ALDH1L2: variants seen among roughly 807,000 people sequenced by gnomAD.
ALDH1L2 encodes the protein aldehyde dehydrogenase 1 family member L2.
ALDH1L2 carries 91 observed loss-of-function variants against 111.0 expected under a neutral mutation model. That is an observed-to-expected ratio of 0.82 (90% confidence interval 0.69 to 0.98). ALDH1L2 has a LOEUF of 0.98. ALDH1L2 is among the 50% of genes least tolerant of loss of function. The probability of loss-of-function intolerance (pLI) is 0.00; values close to 1 mark genes in which losing one functional copy is unlikely to be tolerated. For missense variants in ALDH1L2, 995 were observed against 1,126.8 expected, an observed-to-expected ratio of 0.88 and a Z score of 1.67; for synonymous variants, 374 against 392.6, an observed-to-expected ratio of 0.95 and a Z score of 0.56.
chr12:105,040,632 C>T lies in ALDH1L2; in HGVS notation c.1926G>A (p.Gly642=). 1 of 1,614,068 alleles carries T rather than the reference C, an allele frequency of 6.2e-7. No homozygotes were observed. The highest frequency in any genetic ancestry group is 1.1e-5 in the South Asian group (1 of 91,082). The change falls in exon 16 of 23, where the codon GGG becomes GGA. Residue 642 remains glycine, a synonymous_variant. Transcript: ENST00000258494. ...CTGAGCCTGGAATGATGTTGATGACCCCCTTTGGAAAGCCTGCTTTCACAG... is the reference window on the plus strand; with the variant it reads ...CTGAGCCTGGAATGATGTTGATGACTCCCTTTGGAAAGCCTGCTTTCACAG... ...ELSVKAGFPK[G]VINIIPGSGG... is the part of the protein sequence containing the mutation.
Position 105,024,176 on chromosome 12 carries a change from G to A in ALDH1L2, c.*248C>T. The A allele has an allele frequency of 1.8e-6, 1 of 560,250 alleles. No homozygotes were observed. The highest frequency in any genetic ancestry group is 2.3e-5 in the South Asian group (1 of 44,010). The allele number at this position is 560,250 out of a possible 1,614,324, so 34.7% of individuals were successfully genotyped here. ...GTCTAGGTAGGGGAGAAACAGCTTG[G>A]TATTTTAGAAATACGTATGATATAC... On this transcript the variant is annotated 3_prime_UTR_variant, in exon 23 of 23. Transcript: ENST00000258494.
chr12:105,070,252 G>A (rs1459644069), intron 3 of ALDH1L2, among the ~76,000 whole-genome samples: 2 of 152,154 alleles, frequency 1.3e-5, no homozygotes, highest in African/African-American at 4.8e-5. Context: ...ATGCTGTCCT[G>A]GTTCACGCTG....
At chr12:105,060,415 AG>A (rs923179375) in intron 9 of ALDH1L2, 2 of 152,222 alleles carry the variant, frequency 1.3e-5, no homozygotes, top group African/African-American at 4.8e-5. Flanking sequence ...AACAATTCTA[AG>A]GGTTGCTTTT....
At chr12:105,062,002 C>T (rs1468780512) in intron 7 of ALDH1L2, among the ~76,000 whole-genome samples, 2 of 152,140 alleles carry the variant, frequency 1.3e-5, no homozygotes, top group African/African-American at 4.8e-5. Context: ...GAAAATTTGA[C>T]ACTTGGACGT....
At chr12:105,067,215 C>CAAAAAAAAAAAAA (rs11334156) in intron 4 of ALDH1L2, among the ~76,000 whole-genome samples, 1 of 97,246 alleles carries the variant, frequency 1.0e-5, no homozygotes, top group Non-Finnish European at 2.1e-5. Flanking sequence ...GACTCTGTCT[C>CAAAAAAAAAAAAA]AAAAAAAAAA....
intron 18 of ALDH1L2, among the ~76,000 whole-genome samples, chr12:105,035,530 C>T (rs73387265): frequency 0.11 from 16,947 of 151,914 alleles, 1,649 homozygotes; most frequent in East Asian, 0.33. Context: ...GTTGCCCAGG[C>T]TGGTCATGAA....
intron 18 of ALDH1L2, among the ~76,000 whole-genome samples, chr12:105,035,091 G>T (rs1413936632): frequency 6.6e-6 from 1 of 152,090 alleles, no homozygotes; most frequent in Non-Finnish European, 1.5e-5. Flanking sequence ...TGGCACTACA[G>T]GTGTGCACCA....
intron 13 of ALDH1L2, among the ~76,000 whole-genome samples, 155 bp from the exon 14 acceptor site, chr12:105,047,124 C>A (rs1055747829): frequency 6.6e-6 from 1 of 152,130 alleles, no homozygotes; most frequent in Non-Finnish European, 1.5e-5. Flanking sequence ...AAAGAAGGAA[C>A]AGCTATTTGT....
At position 105,050,068 on chromosome 12, in the gene ALDH1L2, C is replaced by T; in HGVS notation, c.1536-10G>A. On this transcript the variant is annotated splice_polypyrimidine_tract_variant and intron_variant, in intron 12 of 22. Coordinates refer to ENST00000258494, the MANE Select transcript of ALDH1L2 (RefSeq NM_001034173.4). ...CAGTAGGTCTGCAAGTCTGTGTGGT[C>T]AGTGAAAGAAATAAATTCAACAAGT... 6.4e-7 allele frequency: 1 copy of T among 1,571,214 alleles called. No homozygotes were observed. The highest frequency in any genetic ancestry group is 8.6e-7 in the Non-Finnish European group (1 of 1,158,842).
chr12:105,022,608 T>C lies in ALDH1L2; in HGVS notation c.*1816A>G, dbSNP rs189306229. Reference sequence around the variant, plus strand: ...TATAAAAAGGCTTTTGTCACTTTTATTCAAATATGAACTGTCATTTTGGGC... The same window carrying C: ...TATAAAAAGGCTTTTGTCACTTTTACTCAAATATGAACTGTCATTTTGGGC... On this transcript the variant is annotated 3_prime_UTR_variant, in exon 23 of 23. Coordinates refer to ENST00000258494, the MANE Select transcript of ALDH1L2 (RefSeq NM_001034173.4). The C allele has an allele frequency of 6.6e-6, 1 of 152,374 alleles. No homozygotes were observed. Among genetic ancestry groups the C allele is most frequent in the African/African-American group, 2.4e-5 (1 of 41,584 alleles). 9.4% of individuals were successfully genotyped at this position (152,374 alleles called of 1,614,324 possible).
In ALDH1L2 at chr12:105,021,292, C is replaced by G. The variant is rs1874147188; in HGVS notation, c.*3132G>C. 6.6e-6 allele frequency: 1 copy of G among 152,492 alleles called. No individual in the cohort carries two copies. Among genetic ancestry groups the G allele is most frequent in the South Asian group, 2.1e-4 (1 of 4,834 alleles). 9.4% of individuals were successfully genotyped at this position (152,492 alleles called of 1,614,324 possible). A position where few individuals can be genotyped will look rare whatever the true frequency, so the allele number is the denominator to read the frequency against. On this transcript the variant is annotated 3_prime_UTR_variant, in exon 23 of 23. Transcript: ENST00000258494. The stretch of plus-strand genomic sequence containing the variant: ...CAGAAGACCAGTTGGGAGACTTGAG[C>G]AAAATTGTAGGAAAGAGGTAACAGG...
intron 12 of ALDH1L2, 40 bp downstream of exon 12, chr12:105,052,050 T>C (rs537477214): frequency 7.4e-6 from 11 of 1,494,736 alleles, no homozygotes; most frequent in Admixed American, 4.3e-5. Context: ...TCTACCAGAG[T>C]TACTTTTCTA....
At chr12:105,056,113 A>T (rs1434402632) in intron 10 of ALDH1L2, among the ~76,000 whole-genome samples, 1 of 152,156 alleles carries the variant, frequency 6.6e-6, no homozygotes, top group Non-Finnish European at 1.5e-5. Flanking sequence ...CCACACCTAG[A>T]CACATCATAA....
rs781712285 is a variant in ALDH1L2 at position 105,049,994 on chromosome 12, C to T, written c.1600G>A (p.Ala534Thr). The T allele has an allele frequency of 3.1e-6, 5 of 1,611,348 alleles. No individual in the cohort carries two copies. The highest frequency in any genetic ancestry group is 1.7e-5 in the Admixed American group (1 of 59,776). ...GTCTTCAGGGCCAAGGTATAGACAG[C>T]CCCTGAATCAAGGGCTTCAATAGTT... ...LATIEALDSG[A>T]VYTLALKTHI... Residue 534 changes from alanine to threonine, a missense_variant, in exon 13 of 23, where the codon GCT becomes ACT. By Grantham distance (58) the Ala-to-Thr change is moderately conservative. Coordinates refer to ENST00000258494, the MANE Select transcript of ALDH1L2 (RefSeq NM_001034173.4).
intron 22 of ALDH1L2, among the ~76,000 whole-genome samples, chr12:105,026,211 G>A (rs1486219781): frequency 6.6e-6 from 1 of 152,116 alleles, no homozygotes; most frequent in Non-Finnish European, 1.5e-5. Flanking sequence ...GTTCCATTTA[G>A]TCTCGTGACA....
At chr12:105,034,263 C>G (rs751314235) in intron 19 of ALDH1L2, 37 bp downstream of exon 19, 3 of 1,597,954 alleles carry the variant, frequency 1.9e-6, no homozygotes, top group African/African-American at 1.3e-5. Flanking sequence ...AAAGCAAAAT[C>G]TCTAAACAAC....
intron 21 of ALDH1L2, among the ~76,000 whole-genome samples, chr12:105,028,808 A>G (rs942994743): frequency 2.0e-5 from 3 of 152,200 alleles, no homozygotes; most frequent in African/African-American, 7.2e-5. Flanking sequence ...AGCAACAGCA[A>G]ATACTTGACT....
intron 1 of ALDH1L2, among the ~76,000 whole-genome samples, chr12:105,077,909 A>T (rs1371593185): frequency 6.6e-6 from 1 of 152,184 alleles, no homozygotes; most frequent in Non-Finnish European, 1.5e-5. Context: ...AGTTTCACAC[A>T]GAGGACCTTC....
chr12:105,026,453 C>A (rs1485495966), intron 22 of ALDH1L2, 92 bp downstream of exon 22: 22 of 1,461,830 alleles, frequency 1.5e-5, no homozygotes, highest in Non-Finnish European at 2.0e-5. Context: ...AGGAAATGCC[C>A]CTCAAAGTCA....
Sources: allele counts gnomAD v4.1 joint callset (sites outside exome capture counted in the v4.1 genomes callset), GRCh38; gene constraint gnomAD v4.1.1; transcripts MANE v1.5; gene names NCBI Gene and HGNC (gene_info 2026-07-23, HGNC 2026-07-21).